The following NOL4 variants were observed in gnomAD, a reference collection of about 807,000 sequenced individuals.
The protein encoded by NOL4 is nucleolar protein 4.
In NOL4, 17 loss-of-function variants were observed where a neutral mutation model predicts 75.9. The ratio of observed to expected loss-of-function variants is 0.22; its 90% CI spans 0.15 to 0.34. The LOEUF (loss-of-function observed/expected upper bound fraction) is 0.34. Among genes scored for constraint, NOL4 ranks in the 10% least tolerant of loss-of-function variants. The pLI is 1.00. For synonymous variants in NOL4, 292 were observed against 289.9 expected, an observed-to-expected ratio of 1.01 and a Z score of -0.07; for missense variants, 614 against 793.5, an observed-to-expected ratio of 0.77 and a Z score of 2.72.
intron 2 of NOL4, among the ~76,000 whole-genome samples, chr18:34,109,602 CA>C (rs1234771090): frequency 1.3e-5 from 2 of 150,826 alleles, no homozygotes; most frequent in Non-Finnish European, 3.0e-5. Flanking sequence ...CTTTATATCT[CA>C]AAGAAGTAGA....
At chr18:34,010,362 C>T (rs1163471296) in intron 6 of NOL4, among the ~76,000 whole-genome samples, 1 of 151,720 alleles carries the variant, frequency 6.6e-6, no homozygotes, top group Non-Finnish European at 1.5e-5. Flanking sequence ...AATAGTATTC[C>T]ATTGTGTATA....
At chr18:33,905,178 G>A (rs1297127975) in intron 9 of NOL4, among the ~76,000 whole-genome samples, 1 of 152,114 alleles carries the variant, frequency 6.6e-6, no homozygotes, top group East Asian at 1.9e-4. Flanking sequence ...TTAACTGTAG[G>A]CACTGTACTA....
At chr18:34,019,265 T>C (rs1600270263) in intron 6 of NOL4, 53 bp downstream of exon 6, 2 of 1,513,866 alleles carry the variant, frequency 1.3e-6, no homozygotes, top group East Asian at 4.5e-5. Flanking sequence ...TAGGTATTTT[T>C]TGTGACCTTC....
chr18:34,129,928 C>T lies in NOL4; in HGVS notation c.357G>A (p.Thr119=), dbSNP rs766485126. The T allele has an allele frequency of 3.1e-6, 5 of 1,597,364 alleles. No homozygotes were observed. The highest frequency in any genetic ancestry group is 1.3e-5 in the African/African-American group (1 of 74,186). Residue 119 remains threonine (T), a synonymous_variant, in exon 2 of 11, where the codon ACG becomes ACA. Coordinates refer to ENST00000261592, the MANE Select transcript of NOL4 (RefSeq NM_003787.5). ...TCCGAATTTGTTCTCCATTTGGCCC[C>T]GTTTCCACATGCATCGAATAAATAA... ...FDIIYSMHVE[T]GPNGEQIRKH...
chr18:34,215,529 TC>T (rs1424522250), intron 1 of NOL4, among the ~76,000 whole-genome samples: 1 of 152,102 alleles, frequency 6.6e-6, no homozygotes, highest in Non-Finnish European at 1.5e-5. Context: ...GAGGGAGAAA[TC>T]AAGGCTGCCA....
At chr18:33,865,972 A>G (rs905705631) in intron 10 of NOL4, among the ~76,000 whole-genome samples, 3 of 151,976 alleles carry the variant, frequency 2.0e-5, no homozygotes, top group African/African-American at 7.3e-5. Flanking sequence ...AAGAAAATAC[A>G]AAAAGCAAGA....
At chr18:34,065,357 C>T (rs2077230943) in intron 5 of NOL4, among the ~76,000 whole-genome samples, 1 of 152,002 alleles carries the variant, frequency 6.6e-6, no homozygotes, top group Admixed American at 6.6e-5. Flanking sequence ...TATTAACCCT[C>T]ACATAAACTG....
chr18:33,998,458 A>C (rs2073450590), intron 6 of NOL4, among the ~76,000 whole-genome samples: 1 of 152,082 alleles, frequency 6.6e-6, no homozygotes, highest in Admixed American at 6.6e-5. Flanking sequence ...GATGAAGGAG[A>C]AAATGTGATT....
rs909479154 is a variant in NOL4 at position 33,853,017 on chromosome 18, A to C, written c.1742T>G (p.Met581Arg). The C allele has an allele frequency of 1.9e-6, 3 of 1,611,970 alleles. No homozygotes were observed. The highest frequency in any genetic ancestry group is 2.5e-6 in the Non-Finnish European group (3 of 1,178,952). Reference sequence around the variant, plus strand: ...TGAGCTAGTCGCCAATTGTCTCTTCATGCTGAGATCAGTGGGTCCTAGAAA... The same window carrying C: ...TGAGCTAGTCGCCAATTGTCTCTTCCTGCTGAGATCAGTGGGTCCTAGAAA... ...ASSSGPTDLS[M>R]KRQLATSSGS... Residue 581 changes from methionine (M) to arginine (R), a missense_variant, in exon 11 of 11, where the codon ATG (methionine) becomes AGG (arginine). Met to Arg is a moderately conservative substitution (Grantham distance 91). Transcript: ENST00000261592.
At chr18:34,047,151 T>C (rs1214146117) in intron 5 of NOL4, among the ~76,000 whole-genome samples, 2 of 152,156 alleles carry the variant, frequency 1.3e-5, no homozygotes, top group Admixed American at 1.3e-4. Context: ...ACCAATGGTC[T>C]CTTCTAGCAT....
intron 9 of NOL4, among the ~76,000 whole-genome samples, chr18:33,892,902 A>G (rs2065182279): frequency 6.6e-6 from 1 of 152,000 alleles, no homozygotes; most frequent in South Asian, 2.1e-4. Context: ...ACCTCAAGCT[A>G]TCTTCCCACC....
At chr18:34,061,986 A>C in intron 5 of NOL4, among the ~76,000 whole-genome samples, 1 of 152,100 alleles carries the variant, frequency 6.6e-6, no homozygotes, top group African/African-American at 2.4e-5. Flanking sequence ...AGAATGACAT[A>C]TACTGAGAGA....
chr18:33,870,652 C>A (rs1301594006), intron 10 of NOL4, among the ~76,000 whole-genome samples: 1 of 151,744 alleles, frequency 6.6e-6, no homozygotes, highest in Non-Finnish European at 1.5e-5. Flanking sequence ...TGACCTCCTT[C>A]ACAATTATGG....
At chr18:34,107,968 T>A (rs2079389805) in intron 2 of NOL4, among the ~76,000 whole-genome samples, 1 of 152,098 alleles carries the variant, frequency 6.6e-6, no homozygotes, top group South Asian at 2.1e-4. Context: ...ATGTCAACTC[T>A]CCCTCAAACC....
chr18:33,878,100 T>A (rs2064039241), intron 10 of NOL4, among the ~76,000 whole-genome samples: 1 of 152,050 alleles, frequency 6.6e-6, no homozygotes, highest in Non-Finnish European at 1.5e-5. Context: ...CGTGATCAGA[T>A]TTGCCTTTTC....
intron 6 of NOL4, among the ~76,000 whole-genome samples, chr18:33,966,065 A>G (rs2070557556): frequency 3.3e-5 from 5 of 152,010 alleles, no homozygotes; most frequent in African/African-American, 1.2e-4. Context: ...TGTTTTGACT[A>G]TTTCTATATT....
At position 34,223,314 on chromosome 18, in the gene NOL4, G is replaced by T; in HGVS notation, c.-61C>A. 3.2e-6 allele frequency: 5 copies of T among 1,571,204 alleles called. No homozygotes were observed. The Admixed American group carries it at 8.8e-5, about 28-fold the overall frequency. Reference sequence around the variant, plus strand: ...GCGCACTTCGCACCTGTTCACCCTAGGCTCATGAAAAATGCAGCCCCGGCC... The same window carrying T: ...GCGCACTTCGCACCTGTTCACCCTATGCTCATGAAAAATGCAGCCCCGGCC... On this transcript the variant is annotated 5_prime_UTR_variant, in exon 1 of 11. Transcript: ENST00000261592.
intron 9 of NOL4, among the ~76,000 whole-genome samples, chr18:33,898,882 C>A (rs1027466598): frequency 6.6e-6 from 1 of 152,076 alleles, no homozygotes; most frequent in African/African-American, 2.4e-5. Context: ...CTGTCACCTG[C>A]CCTTATGGCA....
chr18:34,073,838 A>T (rs2077627180), intron 5 of NOL4, among the ~76,000 whole-genome samples: 1 of 152,098 alleles, frequency 6.6e-6, no homozygotes, highest in African/African-American at 2.4e-5. Context: ...AAAAACTTTT[A>T]TAGGAAAGAA....
Sources: allele counts gnomAD v4.1 joint callset (sites outside exome capture counted in the v4.1 genomes callset), GRCh38; gene constraint gnomAD v4.1.1; transcripts MANE v1.5; gene names NCBI Gene and HGNC (gene_info 2026-07-23, HGNC 2026-07-21).